Variants in SNAP91 observed in about 807,000 individuals in gnomAD.
The protein encoded by SNAP91 is clathrin coat assembly protein AP180.
In SNAP91, 27 loss-of-function variants were observed where a neutral mutation model predicts 100.3. That is an observed-to-expected ratio of 0.27 (90% CI 0.20 to 0.37). The LOEUF is 0.37. Ranked by LOEUF, SNAP91 falls within the 10% of genes least tolerant of loss-of-function variation. SNAP91 has a pLI of 1.00. For synonymous variants in SNAP91, 404 were observed against 398.6 expected, an observed-to-expected ratio of 1.01 and a Z score of -0.16; for missense variants, 986 against 1,123.7, an observed-to-expected ratio of 0.88 and a Z score of 1.75.
In SNAP91 at chr6:83,678,692, C is replaced by G. The variant is rs2098944936; in HGVS notation, c.131-13111G>C. Reference sequence around the variant, plus strand: ...CACAGCACTGGATCTAACCTTCTACCTTCCACTCCTGCTCCTCCCCTATTG... The same window carrying G: ...CACAGCACTGGATCTAACCTTCTACGTTCCACTCCTGCTCCTCCCCTATTG... On this transcript the variant is annotated intron_variant, in intron 2 of 29. Transcript: ENST00000369694. 7 of 1,181,614 alleles carry G rather than the reference C, an allele frequency of 5.9e-6. No individual in the cohort carries two copies. In the South Asian group the frequency reaches 6.3e-5, roughly 11 times the overall value. 73.2% of individuals were successfully genotyped at this position (1,181,614 alleles called of 1,614,324 possible).
intron 13 of SNAP91, 75 bp downstream of exon 13, chr6:83,607,624 G>GGTACA (rs1227163091): frequency 3.4e-6 from 3 of 887,106 alleles, no homozygotes; most frequent in Middle Eastern, 3.1e-4. Flanking sequence ...AAATCATTTG[G>GGTACA]GTACAGCACA....
chr6:83,665,554 T>C lies in SNAP91; in HGVS notation c.158A>G (p.Asn53Ser), dbSNP rs766295938. 13 of 1,612,242 alleles carry C rather than the reference T, an allele frequency of 8.1e-6. No individual in the cohort carries two copies. The highest frequency in any genetic ancestry group is 1.1e-5 in the Non-Finnish European group (13 of 1,179,100). Residue 53 changes from asparagine (N) to serine (S), a missense_variant, in exon 3 of 30, where the codon AAT (asparagine) becomes AGT (serine). Around this residue, in one of 4 missense-constraint regions of SNAP91, gnomAD observed 330 missense variants for 447.5 expected, o/e 0.74. Coordinates refer to ENST00000369694, the MANE Select transcript of SNAP91 (RefSeq NM_001242792.2). Reference sequence around the variant, plus strand: ...GTCGGCCATCTGAGGAATATTAACATTGGTCTCGTTGGTAGCCTGGATCAA... The same window carrying C: ...GTCGGCCATCTGAGGAATATTAACACTGGTCTCGTTGGTAGCCTGGATCAA... The part of the protein sequence containing the change: ...DYLIQATNET[N>S]VNIPQMADTL...
intron 16 of SNAP91, among the ~76,000 whole-genome samples, chr6:83,597,343 A>T (rs902432480): frequency 6.6e-6 from 1 of 152,232 alleles, no homozygotes; most frequent in Non-Finnish European, 1.5e-5. Context: ...ATAAAATTTG[A>T]ATTTGTTAAA....
At chr6:83,624,019 C>T (rs1343691465) in intron 8 of SNAP91, among the ~76,000 whole-genome samples, 1 of 152,048 alleles carries the variant, frequency 6.6e-6, no homozygotes, top group Non-Finnish European at 1.5e-5. Context: ...TTAATGGACA[C>T]TAAAGTTGCT....
chr6:83,682,593 A>G (rs1258086971), intron 2 of SNAP91, among the ~76,000 whole-genome samples: 2 of 151,524 alleles, frequency 1.3e-5, no homozygotes, highest in Non-Finnish European at 2.9e-5. Context: ...TTATTTTATT[A>G]TTATTATACT....
At chr6:83,687,568 A>C (rs1399408761) in intron 2 of SNAP91, among the ~76,000 whole-genome samples, 5 of 152,168 alleles carry the variant, frequency 3.3e-5, no homozygotes, top group Non-Finnish European at 7.3e-5. Context: ...GATATTTGGG[A>C]AGGCCATTAT....
At chr6:83,675,827 A>AACACACACACACATACAC (rs1554335106) in intron 2 of SNAP91, among the ~76,000 whole-genome samples, 24 of 138,286 alleles carry the variant, frequency 1.7e-4, no homozygotes, top group African/African-American at 6.2e-4. Flanking sequence ...CACTTGAAGG[A>AACACACACACACATACAC]ACACACACAC....
intron 1 of SNAP91, chr6:83,708,299 A>T (rs2099408924): frequency 9.7e-6 from 2 of 206,622 alleles, no homozygotes; most frequent in South Asian, 2.1e-4. Context: ...CGGGTGCTGG[A>T]CTAGCCACAA....
chr6:83,619,626 A>G (rs2096634709), intron 9 of SNAP91, among the ~76,000 whole-genome samples: 1 of 152,240 alleles, frequency 6.6e-6, no homozygotes, highest in African/African-American at 2.4e-5. Context: ...TTACCGATTC[A>G]TCAGTTGTAT....
At chr6:83,675,925 T>C (rs546957211) in intron 2 of SNAP91, among the ~76,000 whole-genome samples, 2 of 150,916 alleles carry the variant, frequency 1.3e-5, no homozygotes, top group South Asian at 2.1e-4. Context: ...GGCAGGAAGA[T>C]TGCTTGAGGC....
chr6:83,585,068 G>T (rs990071830), intron 22 of SNAP91, among the ~76,000 whole-genome samples: 8 of 152,186 alleles, frequency 5.3e-5, no homozygotes, highest in Non-Finnish European at 1.0e-4. Flanking sequence ...TTGCTATAAT[G>T]AAGAACTAAA....
chr6:83,638,914 G>A (rs922708908), intron 8 of SNAP91, among the ~76,000 whole-genome samples: 4 of 152,082 alleles, frequency 2.6e-5, no homozygotes, highest in African/African-American at 9.7e-5. Context: ...AAAGAGAAGA[G>A]TATTTAGCAG....
intron 7 of SNAP91, among the ~76,000 whole-genome samples, chr6:83,650,539 T>C (rs2128639551): frequency 6.6e-6 from 1 of 152,268 alleles, no homozygotes; most frequent in South Asian, 2.1e-4. Context: ...TGCCTCAGCC[T>C]CCTGAGTAGC....
intron 24 of SNAP91, 148 bp from the exon 25 acceptor site, chr6:83,576,201 A>G (rs989079710): frequency 4.3e-6 from 2 of 466,332 alleles, no homozygotes; most frequent in Non-Finnish European, 7.6e-6. Flanking sequence ...AAAAGAAACT[A>G]TATTAGGAAA....
chr6:83,707,865 A>C lies in SNAP91; in HGVS notation c.63T>G (p.Ala21=). Residue 21 remains alanine (A), a synonymous_variant, in exon 2 of 30, where the codon GCT becomes GCG. Coordinates refer to ENST00000369694, the MANE Select transcript of SNAP91 (RefSeq NM_001242792.2). ...TGGCTTTGCAGACCGCTCTTGCTAC[A>C]GCAGAGCCTGTAACGCTGTACTGAG... ...AAAQYSVTGS[A]VARAVCKATT... The C allele has an allele frequency of 6.2e-7, 1 of 1,612,386 alleles. No homozygotes were observed. Among genetic ancestry groups the C allele is most frequent in the East Asian group, 2.2e-5 (1 of 44,796 alleles).
intron 25 of SNAP91, 60 bp from the exon 26 acceptor site, chr6:83,575,181 G>C: frequency 8.8e-7 from 1 of 1,134,354 alleles, no homozygotes. Context: ...GAAAAAAATG[G>C]TGTGTGGCTC....
chr6:83,673,357 T>C (rs2098815659), intron 2 of SNAP91, among the ~76,000 whole-genome samples: 1 of 152,100 alleles, frequency 6.6e-6, no homozygotes, highest in South Asian at 2.1e-4. Flanking sequence ...TACTAGTTCT[T>C]TCCTCCATGC....
intron 2 of SNAP91, among the ~76,000 whole-genome samples, chr6:83,696,676 T>C (rs2099217032): frequency 6.6e-6 from 1 of 152,232 alleles, no homozygotes; most frequent in Non-Finnish European, 1.5e-5. Flanking sequence ...CCCTTCATTC[T>C]TTAAGTCTGG....
At chr6:83,649,930 G>C (rs867248493) in intron 7 of SNAP91, among the ~76,000 whole-genome samples, 1 of 151,980 alleles carries the variant, frequency 6.6e-6, no homozygotes, top group Non-Finnish European at 1.5e-5. Flanking sequence ...AGAATTTGTA[G>C]GTATATTTTG....
Sources: gnomAD v4.1 joint callset for allele counts (sites outside exome capture counted in the v4.1 genomes callset) on GRCh38, gnomAD v4.1.1 for gene constraint, gnomAD v4.1.1 regional missense constraint, MANE v1.5 for transcripts, NCBI Gene and HGNC (gene_info 2026-07-23, HGNC 2026-07-21) for gene names.